Variants in INCA1 observed in about 807,000 individuals in gnomAD.
INCA1 encodes the protein inhibitor of CDK, cyclin A1 interacting protein 1, also known as protein INCA1.
A neutral mutation model predicts 25.7 loss-of-function variants in INCA1; 28 were observed. The observed-to-expected ratio is 1.09, with a 90% CI of 0.81 to 1.49. The LOEUF is 1.49. INCA1 is among the 40% of genes most tolerant of loss of function. INCA1 has a pLI of 0.00. For synonymous variants in INCA1, 111 were observed against 103.6 expected (o/e 1.07, Z -0.43); for missense variants, 309 against 290.9 (o/e 1.06, Z -0.45).
chr17:4,989,643 A>G lies in INCA1; in HGVS notation c.199-19T>C. On this transcript the variant is annotated intron_variant, in intron 4 of 6. Transcript: ENST00000576820. ...TGGCTCTCTGTGCCAGAGAATGGGG[A>G]AAAAGAGCTAGAAAGAAGAACTGGC... 1 of 1,609,876 alleles carries G rather than the reference A, an allele frequency of 6.2e-7. No individual in the cohort carries two copies. Among genetic ancestry groups the G allele is most frequent in the Non-Finnish European group, 8.5e-7 (1 of 1,177,306 alleles).
chr17:4,994,423 A>G, exon 2 of INCA1: 1 of 1,613,714 alleles, frequency 6.2e-7, no homozygotes, highest in East Asian at 2.2e-5. Context: ...TGACTCCATC[A>G]TCCTGCACCT....
chr17:4,990,206 G>T (rs772049032), exon 3 of INCA1: 2 of 1,614,128 alleles, frequency 1.2e-6, no homozygotes, highest in Non-Finnish European at 1.7e-6. Flanking sequence ...CTGGGGCATG[G>T]GTCTGAGGCT....
intron 1 of INCA1, among the ~76,000 whole-genome samples, chr17:4,995,654 G>C (rs1435207850): frequency 1.3e-5 from 2 of 152,126 alleles, no homozygotes; most frequent in Non-Finnish European, 1.5e-5. Flanking sequence ...AGTTGGCTGG[G>C]TGTGGTGGCT....
chr17:4,989,893 C>T, exon 4 of INCA1: 1 of 1,614,164 alleles, frequency 6.2e-7, no homozygotes, highest in Non-Finnish European at 8.5e-7. Context: ...GTCTTACCAG[C>T]ATGGGTGGAA....
intron 2 of INCA1, 92 bp downstream of exon 2, chr17:4,994,298 CCGTT>C: frequency 8.8e-7 from 1 of 1,136,686 alleles, no homozygotes; most frequent in Non-Finnish European, 1.3e-6. Flanking sequence ...ATTGCATTTC[CCGTT>C]CTTTATTTCC....
chr17:4,989,635 G>A lies in INCA1; in HGVS notation c.199-11C>T. On this transcript the variant is annotated splice_polypyrimidine_tract_variant and intron_variant, in intron 4 of 6. Coordinates refer to ENST00000576820, the Ensembl canonical transcript of INCA1. ...GCAACCAGTGGCTCTCTGTGCCAGA[G>A]AATGGGGAAAAAGAGCTAGAAAGAA... 1 of 1,611,632 alleles carries A rather than the reference G, an allele frequency of 6.2e-7. No individual in the cohort carries two copies. Among genetic ancestry groups the A allele is most frequent in the East Asian group, 2.2e-5 (1 of 44,848 alleles).
chr17:4,989,218 G>C (rs945899010), intron 5 of INCA1, among the ~76,000 whole-genome samples: 3 of 152,054 alleles, frequency 2.0e-5, no homozygotes, highest in Non-Finnish European at 4.4e-5. Context: ...AGCTCATGTG[G>C]CTCATCCTCC....
chr17:4,990,234 G>T (rs199735168), exon 3 of INCA1: 52 of 1,613,954 alleles, frequency 3.2e-5, no homozygotes, highest in Non-Finnish European at 4.1e-5. Flanking sequence ...GGCAACCTTG[G>T]GGGTGGAGAT....
chr17:4,989,113 T>G (rs1973615964), intron 5 of INCA1, among the ~76,000 whole-genome samples, 169 bp from the exon 6 acceptor site: 1 of 152,198 alleles, frequency 6.6e-6, no homozygotes. Context: ...TGAAGCATAT[T>G]GTCTAGGAAC....
intron 2 of INCA1, among the ~76,000 whole-genome samples, chr17:4,993,052 G>GT (rs1029626920): frequency 6.7e-5 from 10 of 149,288 alleles, no homozygotes; most frequent in South Asian, 4.3e-4. Context: ...GCTAATTTTT[G>GT]TATTTTTAGT....
exon 2 of INCA1, chr17:4,994,453 G>GGTAGTTAGTCTCCT (rs1567712845): frequency 1.2e-6 from 2 of 1,613,462 alleles, no homozygotes; most frequent in Non-Finnish European, 1.7e-6. Flanking sequence ...GACGGGGCTG[G>GGTAGTTAGTCTCCT]GTAGTTAGTC....
At position 4,994,379 on chromosome 17, in the gene INCA1, A is replaced by G. The variant is rs1974083313; in HGVS notation, c.44+15T>C. The G allele has an allele frequency of 1.9e-6, 3 of 1,612,928 alleles. No homozygotes were observed. In the African/African-American group the frequency reaches 4.0e-5, roughly 22 times the overall value. On this transcript the variant is annotated intron_variant, in intron 2 of 6. Coordinates refer to ENST00000576820, the Ensembl canonical transcript of INCA1. ...CATCCCATCCCCATGCTCCCCACCC[A>G]GTGGGAGGACTCACTTGGCAAAGGG...
At position 4,994,386 on chromosome 17, in the gene INCA1, G is replaced by T; in HGVS notation, c.44+8C>A. ...TCCCCATGCTCCCCACCCAGTGGGA[G>T]GACTCACTTGGCAAAGGGGATGAGG... On this transcript the variant is annotated splice_region_variant and intron_variant, in intron 2 of 6. Coordinates refer to ENST00000576820, the Ensembl canonical transcript of INCA1. 6.2e-7 allele frequency: 1 copy of T among 1,613,540 alleles called. No individual in the cohort carries two copies. Among genetic ancestry groups the T allele is most frequent in the African/African-American group, 1.3e-5 (1 of 75,040 alleles).
chr17:4,988,517 T>G (rs773108278), exon 7 of INCA1: 10 of 1,613,532 alleles, frequency 6.2e-6, no homozygotes, highest in East Asian at 2.2e-5. Context: ...GGCACAAGCC[T>G]CCTCCTGATC....
intron 5 of INCA1, 88 bp from the exon 6 acceptor site, chr17:4,989,032 C>A: frequency 1.5e-6 from 2 of 1,355,412 alleles, no homozygotes; most frequent in Admixed American, 2.6e-5. Context: ...TGAAATACTT[C>A]CTGCTGGGAC....
rs183463797 is a variant in INCA1 at position 4,990,016 on chromosome 17, C to G, written c.159-87G>C. 2,154 of 1,611,942 alleles carry G rather than the reference C, an allele frequency of 1.3e-3. 3 individuals carry two copies. Among genetic ancestry groups the G allele is most frequent in the Non-Finnish European group, 1.7e-3 (1,996 of 1,178,564 alleles). On this transcript the variant is annotated intron_variant, in intron 3 of 6. Transcript: ENST00000576820. Reference sequence around the variant, plus strand: ...TTAATAATCTCTCCCGACCTCCTTTCTGTCATTAGGAGCTACAATGTCCAC... The same window carrying G: ...TTAATAATCTCTCCCGACCTCCTTTGTGTCATTAGGAGCTACAATGTCCAC...
chr17:4,988,616 T>C, intron 6 of INCA1, 62 bp from the exon 7 acceptor site: 1 of 1,595,562 alleles, frequency 6.3e-7, no homozygotes. Flanking sequence ...CCAGATTTCC[T>C]AGTACCCAAG....
exon 7 of INCA1, chr17:4,988,545 A>C: frequency 6.2e-7 from 1 of 1,609,546 alleles, no homozygotes; most frequent in Non-Finnish European, 8.5e-7. Context: ...CTCCAGGGAG[A>C]CCAAAGCAGC....
chr17:4,993,794 TG>T (rs2143231213), intron 2 of INCA1, among the ~76,000 whole-genome samples: 1 of 93,318 alleles, frequency 1.1e-5, no homozygotes, highest in South Asian at 3.4e-4. Context: ...TTTTTTGAGA[TG>T]GAGTCTTGTT....
Sources: gnomAD v4.1 joint callset for allele counts (sites outside exome capture counted in the v4.1 genomes callset) on GRCh38, gnomAD v4.1.1 for gene constraint, MANE v1.5 for transcripts, NCBI Gene and HGNC (gene_info 2026-07-23, HGNC 2026-07-21) for gene names.